HDGFL3: variants seen among roughly 807,000 people sequenced by gnomAD.
The protein encoded by HDGFL3 is hepatoma-derived growth factor-related protein 3.
In HDGFL3, 6 loss-of-function variants were observed where a neutral mutation model predicts 27.6. The ratio of observed to expected loss-of-function variants is 0.22; its 90% CI spans 0.12 to 0.43. The LOEUF is 0.43. HDGFL3 is among the 20% of genes least tolerant of loss of function. The probability of loss-of-function intolerance (pLI) is 1.00; values close to 1 mark genes in which losing one functional copy is unlikely to be tolerated. For missense variants in HDGFL3, 207 were observed against 250.1 expected (o/e 0.83, Z 1.16); for synonymous variants, 88 against 88.9 (o/e 0.99, Z 0.05).
At chr15:83,199,230 C>T (rs973991859) in intron 1 of HDGFL3, among the ~76,000 whole-genome samples, 8 of 152,102 alleles carry the variant, frequency 5.3e-5, no homozygotes, top group African/African-American at 1.9e-4. Context: ...TATGGTAACT[C>T]TAAAAGCATT....
In HDGFL3 at chr15:83,207,558, G is replaced by A. The variant is rs1246821370; in HGVS notation, c.-144C>T. ...GGCCGCTCCGACGAGGGGAAGCGGC[G>A]AGGCGGCGGCTGAGGCAAGGGGTGG... On this transcript the variant is annotated 5_prime_UTR_variant, in exon 1 of 6. Transcript: ENST00000299633. This position sits in a 1 kb window ranked among gnomAD's most constrained non-coding sequence, Gnocchi z 4.8. The A allele has an allele frequency of 5.6e-6, 3 of 535,786 alleles. No homozygotes were observed. The highest frequency in any genetic ancestry group is 8.4e-6 in the Non-Finnish European group (3 of 359,090). The allele number at this position is 535,786 out of a possible 1,614,324, so 33.2% of individuals were successfully genotyped here. A position where few individuals can be genotyped will look rare whatever the true frequency, so the allele number is the denominator to read the frequency against.
At position 83,137,094 on chromosome 15, in the gene HDGFL3, G is replaced by C. The variant is rs1454961870; in HGVS notation, c.*2176C>G. 6.6e-6 allele frequency: 1 copy of C among 152,514 alleles called. No homozygotes were observed. The highest frequency in any genetic ancestry group is 1.5e-5 in the Non-Finnish European group (1 of 68,298). The allele number at this position is 152,514 out of a possible 1,614,324, so 9.4% of individuals were successfully genotyped here. ...TAACTTTTGCAAATAAGATGAATAT[G>C]CTTCATTATTAAACTCAATATAAAA... is the stretch of plus-strand genomic sequence containing the variant. On this transcript the variant is annotated 3_prime_UTR_variant, in exon 6 of 6. Coordinates refer to ENST00000299633, the MANE Select transcript of HDGFL3 (RefSeq NM_016073.4).
At position 83,158,053 on chromosome 15, in the gene HDGFL3, T is replaced by C. The variant is rs2151402505; in HGVS notation, c.162-12A>G. The C allele has an allele frequency of 6.3e-7, 1 of 1,586,622 alleles. No homozygotes were observed. The highest frequency in any genetic ancestry group is 1.1e-5 in the South Asian group (1 of 87,636). On this transcript the variant is annotated splice_polypyrimidine_tract_variant and intron_variant, in intron 2 of 5. Coordinates refer to ENST00000299633, the MANE Select transcript of HDGFL3 (RefSeq NM_016073.4). ...GACCTAGAAATGCACTGCAGAGACA[T>C]ATTAGAAATAGAATTGACACACTGA... is the stretch of plus-strand genomic sequence containing the variant.
At chr15:83,164,904 G>A (rs2037150858) in intron 1 of HDGFL3, among the ~76,000 whole-genome samples, 1 of 152,190 alleles carries the variant, frequency 6.6e-6, no homozygotes, top group Admixed American at 6.5e-5. Context: ...GTGTGAAACT[G>A]CATGGAGTTG....
intron 5 of HDGFL3, chr15:83,144,577 AG>A (rs760667601): frequency 1.1e-5 from 5 of 455,484 alleles, no homozygotes; most frequent in Non-Finnish European, 2.2e-5. Context: ...AAGGCATCAG[AG>A]GAGGCCTCTG....
rs901292380 is a variant in HDGFL3 at position 83,162,057 on chromosome 15, C to T, written c.161+1942G>A. On this transcript the variant is annotated intron_variant, in intron 2 of 5. Coordinates refer to ENST00000299633, the MANE Select transcript of HDGFL3 (RefSeq NM_016073.4). ...AGGGTACTCCTTTAGCTGAACCAAACGTAGCCTTCTTGTTAAGCTCACCTC... is the reference window on the plus strand; with the variant it reads ...AGGGTACTCCTTTAGCTGAACCAAATGTAGCCTTCTTGTTAAGCTCACCTC... 9.2e-5 allele frequency among the ~76,000 whole-genome samples: 14 copies of T among 152,128 alleles called. 1 individual carries two copies. The highest frequency in any genetic ancestry group is 9.2e-4 in the Admixed American group (14 of 15,270).
In HDGFL3 at chr15:83,138,222, T is replaced by G. The variant is rs1451679573; in HGVS notation, c.*1048A>C. 1 of 152,582 alleles carries G rather than the reference T, an allele frequency of 6.6e-6. No individual in the cohort carries two copies. The highest frequency in any genetic ancestry group is 1.5e-5 in the Non-Finnish European group (1 of 68,002). 9.5% of individuals were successfully genotyped at this position (152,582 alleles called of 1,614,324 possible). ...TCTGTAAAAACAATACATTTTTTTG[T>G]TTTTGATTTTTTTACAGTAAACTTT... On this transcript the variant is annotated 3_prime_UTR_variant, in exon 6 of 6. Transcript: ENST00000299633.
At chr15:83,177,449 T>C (rs1369592233) in intron 1 of HDGFL3, among the ~76,000 whole-genome samples, 1 of 152,232 alleles carries the variant, frequency 6.6e-6, no homozygotes, top group East Asian at 1.9e-4. Flanking sequence ...AAGCTAGTAT[T>C]ACTTCCATTT....
At chr15:83,188,195 T>C (rs1030856204) in intron 1 of HDGFL3, among the ~76,000 whole-genome samples, 3 of 152,164 alleles carry the variant, frequency 2.0e-5, no homozygotes, top group Non-Finnish European at 4.4e-5. Flanking sequence ...GCCATCAAGA[T>C]TTGCCTTTCA....
chr15:83,149,336 T>C (rs2036936180), intron 5 of HDGFL3, among the ~76,000 whole-genome samples: 1 of 152,218 alleles, frequency 6.6e-6, no homozygotes, highest in Non-Finnish European at 1.5e-5. Flanking sequence ...GTTAGAACAA[T>C]GAATCTACAA....
Position 83,206,843 on chromosome 15 carries a change from AGAG to A in HDGFL3, c.84+485_84+487del, listed in dbSNP as rs556673849. 5.9e-5 allele frequency among the ~76,000 whole-genome samples: 9 copies of A among 152,358 alleles called. No individual in the cohort carries two copies. The East Asian group carries it at 1.7e-3, about 29-fold the overall frequency. On this transcript the variant is annotated intron_variant, in intron 1 of 5. Transcript: ENST00000299633. ...CAAAGAGATGGATGAATGACTGCCA[AGAG>A]GCTCCCGCTGGCCTCTGGATGACCA...
Position 83,151,256 on chromosome 15 carries a change from T to C in HDGFL3, c.565A>G (p.Thr189Ala), listed in dbSNP as rs759098896. ...TGCAAGTCTGAAGTTGTGTTTCTTG[T>C]GTCGTTGCCCGCATCTCCACCCTCA... ...SSEGGDAGND[T>A]RNTTSDLQKT... Residue 189 changes from threonine to alanine, a missense_variant, in exon 5 of 6, where the codon ACA (threonine) becomes GCA (alanine). Transcript: ENST00000299633. 1.9e-6 allele frequency: 3 copies of C among 1,613,274 alleles called. No individual in the cohort carries two copies. The highest frequency in any genetic ancestry group is 2.2e-5 in the South Asian group (2 of 91,014).
chr15:83,117,462 G>A (rs1478289078), intron 3 of HDGFL3, among the ~76,000 whole-genome samples: 1 of 152,162 alleles, frequency 6.6e-6, no homozygotes, highest in Non-Finnish European at 1.5e-5. Context: ...TGGGACTTTA[G>A]AGACCATGGC....
chr15:83,197,457 A>G (rs1213680014), intron 1 of HDGFL3, among the ~76,000 whole-genome samples: 1 of 152,226 alleles, frequency 6.6e-6, no homozygotes, highest in Non-Finnish European at 1.5e-5. Flanking sequence ...TCAGATTGCT[A>G]TATCTCACAG....
intron 4 of HDGFL3, among the ~76,000 whole-genome samples, chr15:83,153,947 G>A (rs769500850): frequency 1.3e-5 from 2 of 151,976 alleles, no homozygotes; most frequent in Non-Finnish European, 2.9e-5. Flanking sequence ...CTACCCAACT[G>A]GAATGTAGTA....
intron 1 of HDGFL3, among the ~76,000 whole-genome samples, chr15:83,181,937 T>C (rs1414721358): frequency 6.6e-6 from 1 of 152,256 alleles, no homozygotes; most frequent in Non-Finnish European, 1.5e-5. Flanking sequence ...GGTTTATTTT[T>C]ACTTTTGTTG....
intron 2 of HDGFL3, among the ~76,000 whole-genome samples, chr15:83,158,749 C>T (rs762747603): frequency 1.8e-4 from 27 of 152,198 alleles, no homozygotes; most frequent in Non-Finnish European, 3.1e-4. Flanking sequence ...TTCATACTAT[C>T]CACGGTTTTA....
Position 83,158,013 on chromosome 15 carries a change from GA to G in HDGFL3, c.189del (p.Pro64HisfsTer25). 4 of 1,610,206 alleles carry G rather than the reference GA, an allele frequency of 2.5e-6. No individual in the cohort carries two copies. The highest frequency in any genetic ancestry group is 1.7e-5 in the Admixed American group (1 of 59,250). ...ETAFLGPKDL[F>X]PYKEYKDKFG... ...AACTTGTCTTTGTACTCCTTATATG[GA>G]AAAAGGTCTTTGGGACCTAGAAATG... is the stretch of plus-strand genomic sequence containing the variant. On this transcript the variant is annotated frameshift_variant, in exon 3 of 6. Coordinates refer to ENST00000299633, the MANE Select transcript of HDGFL3 (RefSeq NM_016073.4). LOFTEE classifies it high-confidence loss of function.
chr15:83,144,452 G>A, intron 5 of HDGFL3: 1 of 456,100 alleles, frequency 2.2e-6, no homozygotes, highest in South Asian at 1.5e-5. Flanking sequence ...CTGAGATTAG[G>A]TTACAAAAGA....
Sources: gnomAD v4.1 joint callset for allele counts (sites outside exome capture counted in the v4.1 genomes callset) on GRCh38, gnomAD v4.1.1 for gene constraint, Gnocchi (gnomAD v3.1) non-coding constraint, MANE v1.5 for transcripts, NCBI Gene and HGNC (gene_info 2026-07-23, HGNC 2026-07-21) for gene names.